The following SV2B variants were observed in gnomAD, a reference collection of about 807,000 sequenced individuals.
The protein encoded by SV2B is synaptic vesicle glycoprotein 2B, also known as solute carrier family 22 member B2.
In SV2B, 41 loss-of-function variants were observed where a neutral mutation model predicts 73.9. That is an observed-to-expected ratio of 0.56 (90% CI 0.43 to 0.72). The LOEUF is 0.72. SV2B is among the 30% of genes least tolerant of loss of function. The pLI is 0.00. For missense variants in SV2B, 764 were observed against 857.8 expected (o/e 0.89, Z 1.37); for synonymous variants, 314 against 314.2 (o/e 1.00, Z 0.01).
intron 7 of SV2B, 137 bp downstream of exon 7, chr15:91,266,829 G>A: frequency 1.6e-6 from 1 of 631,172 alleles, no homozygotes; most frequent in Admixed American, 3.3e-5. Context: ...CTGGAGGGGG[G>A]CGTTTGGGCT....
At position 91,270,944 on chromosome 15, in the gene SV2B, C is replaced by CGATGGGAGGACGGTGAGTCCTGTGGAT. The variant is rs1567418006; in HGVS notation, c.1373+2346_1373+2372dup. On this transcript the variant is annotated intron_variant, in intron 9 of 12. Transcript: ENST00000394232. ...ATGGGAGGACGGTGAGTCCTGTGGA[C>CGATGGGAGGACGGTGAGTCCTGTGGAT]GATGGGAGGACGGTGAGTCCTGTGG... Among the ~76,000 whole-genome samples the CGATGGGAGGACGGTGAGTCCTGTGGAT allele has an allele frequency of 1.1e-3, 92 of 85,988 alleles. 4 individuals are homozygous for CGATGGGAGGACGGTGAGTCCTGTGGAT. Among genetic ancestry groups the CGATGGGAGGACGGTGAGTCCTGTGGAT allele is most frequent in the Middle Eastern group, 7.8e-3 (1 of 128 alleles). The allele number at this position is 85,988 out of a possible 152,430, so 56.4% of individuals were successfully genotyped here.
At chr15:91,153,391 C>T (rs2043375752) in intron 1 of SV2B, among the ~76,000 whole-genome samples, 1 of 152,132 alleles carries the variant, frequency 6.6e-6, no homozygotes, top group South Asian at 2.1e-4. Context: ...GCTCTGGCTG[C>T]TCGGCCACAG....
In SV2B at chr15:91,207,307, G is replaced by A. The variant is rs555191747; in HGVS notation, c.-391-18566G>A. Among the ~76,000 whole-genome samples the A allele has an allele frequency of 5.7e-4, 86 of 151,942 alleles. 1 individual carries two copies. Among genetic ancestry groups the A allele is most frequent in the Non-Finnish European group, 2.6e-4 (18 of 68,016 alleles). ...CAAAGTGCTGGGATTACAGGTGTGA[G>A]TCACTGTGCCTGGTCTTAAAACAAT... On this transcript the variant is annotated intron_variant, in intron 1 of 12. Coordinates refer to ENST00000394232, the MANE Select transcript of SV2B (RefSeq NM_001323032.3).
Position 91,252,287 on chromosome 15 carries a change from G to T in SV2B, c.633-82G>T. ...GTCCTTTCACCACAGAGCCTAAGGT[G>T]GGGTATAGGCAACTTGGTTTCTGCT... On this transcript the variant is annotated intron_variant, in intron 3 of 12. Transcript: ENST00000394232. This position sits in a 1 kb window ranked among gnomAD's most constrained non-coding sequence, Gnocchi z 4.6. 2.0e-6 allele frequency: 3 copies of T among 1,510,424 alleles called. No homozygotes were observed. The highest frequency in any genetic ancestry group is 2.3e-5 in the East Asian group (1 of 43,792). The allele number at this position is 1,510,424 out of a possible 1,614,324, so 93.6% of individuals were successfully genotyped here.
intron 1 of SV2B, among the ~76,000 whole-genome samples, chr15:91,194,504 CAG>C (rs1311641414): frequency 1.1e-4 from 16 of 152,306 alleles, no homozygotes; most frequent in Admixed American, 7.2e-4. Flanking sequence ...AGTGGATTTG[CAG>C]AGTCTTAGAT....
At position 91,128,795 on chromosome 15, in the gene SV2B, A is replaced by G. The variant is rs1015348468; in HGVS notation, c.-392+28432A>G. The stretch of plus-strand genomic sequence containing the variant: ...GAAGGAATGCTGCCCAGAGATGACC[A>G]GAGGAATCTAGACAGGTAGGTCTTC... On this transcript the variant is annotated intron_variant, in intron 1 of 12. Transcript: ENST00000394232. This position sits in a 1 kb window ranked among gnomAD's most constrained non-coding sequence, Gnocchi z 4.2. 23 of 152,504 alleles carry G rather than the reference A, an allele frequency of 1.5e-4. No individual in the cohort carries two copies. Among genetic ancestry groups the G allele is most frequent in the African/African-American group, 5.0e-4 (21 of 41,592 alleles). The allele number at this position is 152,504 out of a possible 1,614,324, so 9.4% of individuals were successfully genotyped here. A position where few individuals can be genotyped will look rare whatever the true frequency, so the allele number is the denominator to read the frequency against.
chr15:91,233,483 C>T (rs2141523297), intron 2 of SV2B, among the ~76,000 whole-genome samples: 1 of 152,278 alleles, frequency 6.6e-6, no homozygotes, highest in Non-Finnish European at 1.5e-5. Flanking sequence ...AAAACCAAAC[C>T]CAGAATCTCA....
intron 1 of SV2B, among the ~76,000 whole-genome samples, chr15:91,114,374 C>T (rs1301092125): frequency 3.9e-5 from 6 of 152,210 alleles, no homozygotes; most frequent in African/African-American, 9.6e-5. Flanking sequence ...GATGGGGAAA[C>T]GTCCTATCTC....
chr15:91,148,649 A>T (rs1373600341), intron 1 of SV2B, among the ~76,000 whole-genome samples: 1 of 152,218 alleles, frequency 6.6e-6, no homozygotes, highest in Non-Finnish European at 1.5e-5. Context: ...TATATAAAAT[A>T]TACACATATA....
intron 2 of SV2B, among the ~76,000 whole-genome samples, chr15:91,249,342 G>T (rs944627878): frequency 1.3e-5 from 2 of 152,132 alleles, no homozygotes; most frequent in Non-Finnish European, 1.5e-5. Context: ...TATATCCAAG[G>T]TTTGCTCTTC....
intron 4 of SV2B, among the ~76,000 whole-genome samples, chr15:91,255,621 T>A (rs2047659691): frequency 6.6e-6 from 1 of 152,140 alleles, no homozygotes; most frequent in Non-Finnish European, 1.5e-5. Flanking sequence ...CCTATGGAAA[T>A]AAAAAATTAA....
chr15:91,163,425 G>A (rs1259337213), intron 1 of SV2B, among the ~76,000 whole-genome samples: 3 of 152,156 alleles, frequency 2.0e-5, no homozygotes, highest in Admixed American at 6.5e-5. Flanking sequence ...TCCAGTACCT[G>A]TTGTTTCTTG....
chr15:91,284,121 C>T lies in SV2B; in HGVS notation c.1608C>T (p.Phe536=). 6.2e-7 allele frequency: 1 copy of T among 1,614,176 alleles called. No individual in the cohort carries two copies. Among genetic ancestry groups the T allele is most frequent in the East Asian group, 2.2e-5 (1 of 44,886 alleles). The stretch of plus-strand genomic sequence containing the variant: ...TGGACTTGGAGCAAGATAATGACTT[C>T]CTGATTTACCTCGTCAGCTTCCTGG... ...CHMDLEQDND[F]LIYLVSFLGS... is the part of the protein sequence containing the mutation. The change falls in exon 11 of 13, where the codon TTC becomes TTT. Residue 536 remains phenylalanine (F), a synonymous_variant. Transcript: ENST00000394232. The surrounding 1 kb of genome is among the most constrained non-coding windows in gnomAD (Gnocchi z 4.5).
intron 1 of SV2B, among the ~76,000 whole-genome samples, chr15:91,170,693 T>G (rs1284126697): frequency 6.6e-6 from 1 of 152,230 alleles, no homozygotes; most frequent in African/African-American, 2.4e-5. Context: ...ATTTTCCTCT[T>G]AGATTCACCA....
At chr15:91,272,805 G>T (rs2048357797) in intron 9 of SV2B, among the ~76,000 whole-genome samples, 1 of 151,490 alleles carries the variant, frequency 6.6e-6, no homozygotes, top group Non-Finnish European at 1.5e-5. Flanking sequence ...CTTTGGGGAG[G>T]GGGGATAAAT....
rs185669399 is a variant in SV2B at position 91,261,401 on chromosome 15, T to C, written c.1008+992T>C. Among the ~76,000 whole-genome samples the C allele has an allele frequency of 6.0e-4, 92 of 152,366 alleles. No individual in the cohort carries two copies. The highest frequency in any genetic ancestry group is 6.8e-3 in the Middle Eastern group (2 of 294). On this transcript the variant is annotated intron_variant, in intron 6 of 12. Coordinates refer to ENST00000394232, the MANE Select transcript of SV2B (RefSeq NM_001323032.3). This position sits in a 1 kb window ranked among gnomAD's most constrained non-coding sequence, Gnocchi z 4.7. The stretch of plus-strand genomic sequence containing the variant: ...CTCCTAGTATTCATAATCATCATTT[T>C]AATAAACAGTAATGTTACAAACATT...
intron 1 of SV2B, among the ~76,000 whole-genome samples, chr15:91,151,067 G>C (rs977763782): frequency 2.0e-4 from 30 of 152,250 alleles, no homozygotes; most frequent in African/African-American, 7.2e-4. Context: ...GAGCCTGTGG[G>C]CTTTGACCAT....
At position 91,228,661 on chromosome 15, in the gene SV2B, C is replaced by T. The variant is rs565233284; in HGVS notation, c.451+1947C>T. ...CTCCTAGGGCAAATGCTGGGAGTTG[C>T]GGGAACATGGTCTTAATCTGAGAGT... On this transcript the variant is annotated intron_variant, in intron 2 of 12. Transcript: ENST00000394232. 8.5e-5 allele frequency among the ~76,000 whole-genome samples: 13 copies of T among 152,258 alleles called. No individual in the cohort carries two copies. In the South Asian group the frequency reaches 2.7e-3, roughly 32 times the overall value.
At chr15:91,251,571 G>A (rs2047481983) in intron 2 of SV2B, among the ~76,000 whole-genome samples, 1 of 152,170 alleles carries the variant, frequency 6.6e-6, no homozygotes, top group Admixed American at 6.5e-5. Context: ...TGGTCTTACA[G>A]CCATCTCAGT....
Sources: allele counts gnomAD v4.1 joint callset (sites outside exome capture counted in the v4.1 genomes callset), GRCh38; gene constraint gnomAD v4.1.1; non-coding constraint Gnocchi (gnomAD v3.1); transcripts MANE v1.5; gene names NCBI Gene and HGNC (gene_info 2026-07-23, HGNC 2026-07-21).